The following KSR1 variants were observed in gnomAD, a reference collection of about 807,000 sequenced individuals.
KSR1 encodes kinase suppressor of ras.
Under a neutral mutation model 92.9 loss-of-function variants are expected in KSR1, and 35 were observed. The ratio of observed to expected loss-of-function variants is 0.38; its 90% confidence interval spans 0.29 to 0.50. The LOEUF (loss-of-function observed/expected upper bound fraction) is 0.50. KSR1 is among the 20% of genes least tolerant of loss of function. KSR1 has a pLI of 0.94. For synonymous variants in KSR1, 467 were observed against 472.6 expected, an observed-to-expected ratio of 0.99 and a Z score of 0.15; for missense variants, 972 against 1,158.5, an observed-to-expected ratio of 0.84 and a Z score of 2.34.
At chr17:27,472,932 G>A (rs868750631) in intron 1 of KSR1, among the ~76,000 whole-genome samples, 6 of 152,162 alleles carry the variant, frequency 3.9e-5, no homozygotes, top group South Asian at 2.1e-4. Context: ...GGTTTTTTGA[G>A]ACAGGGTCTC....
chr17:27,610,375 C>T (rs967452286), intron 17 of KSR1, among the ~76,000 whole-genome samples, 177 bp downstream of exon 17: 23 of 152,166 alleles, frequency 1.5e-4, no homozygotes, highest in African/African-American at 5.6e-4. Flanking sequence ...AGTCCTGGCT[C>T]TGCCGCTTGT....
At chr17:27,474,522 T>C (rs1266153347) in intron 1 of KSR1, among the ~76,000 whole-genome samples, 1 of 152,228 alleles carries the variant, frequency 6.6e-6, no homozygotes, top group East Asian at 1.9e-4. Context: ...TTGCTTACCC[T>C]TTCTGAGCAA....
In KSR1 at chr17:27,605,817, A is replaced by T; in HGVS notation, c.1994+4A>T. ...CCCACCTGGCCATTATCACCAGGTA[A>T]CCAAGCCCTAGGACCTCATGCTGGA... On this transcript the variant is annotated splice_donor_region_variant and intron_variant, in intron 14 of 20. Transcript: ENST00000644974. 6.2e-7 allele frequency: 1 copy of T among 1,612,250 alleles called. No homozygotes were observed.
chr17:27,592,685 G>T (rs906897689), intron 9 of KSR1, 59 bp downstream of exon 9: 77 of 1,418,892 alleles, frequency 5.4e-5, no homozygotes, highest in Non-Finnish European at 7.4e-5. Flanking sequence ...TTCCTATAAA[G>T]CACCCCTGCC....
intron 1 of KSR1, among the ~76,000 whole-genome samples, chr17:27,523,110 A>G (rs1567789776): frequency 6.6e-6 from 1 of 152,236 alleles, no homozygotes; most frequent in Non-Finnish European, 1.5e-5. Flanking sequence ...CCTATAGCCA[A>G]AAATTTTACT....
chr17:27,506,134 A>C (rs2069372763), intron 1 of KSR1, among the ~76,000 whole-genome samples: 1 of 152,184 alleles, frequency 6.6e-6, no homozygotes, highest in Non-Finnish European at 1.5e-5. Flanking sequence ...GTGGATATGT[A>C]TCTGATTCAC....
chr17:27,489,633 G>T (rs930356800), intron 1 of KSR1, among the ~76,000 whole-genome samples: 2 of 152,158 alleles, frequency 1.3e-5, no homozygotes, highest in African/African-American at 2.4e-5. Flanking sequence ...AGATTTGGGG[G>T]CAGTAGAGTG....
intron 6 of KSR1, among the ~76,000 whole-genome samples, chr17:27,589,470 C>T (rs1293783159): frequency 1.3e-5 from 2 of 152,160 alleles, no homozygotes; most frequent in Non-Finnish European, 2.9e-5. Context: ...GGAACATCAC[C>T]TGACCTCTCT....
At chr17:27,483,377 C>T (rs1461294024) in intron 1 of KSR1, among the ~76,000 whole-genome samples, 1 of 152,016 alleles carries the variant, frequency 6.6e-6, no homozygotes, top group Non-Finnish European at 1.5e-5. Flanking sequence ...CACCTGAGGT[C>T]GGGAGTTCGA....
chr17:27,506,525 A>AT (rs35027572), intron 1 of KSR1, among the ~76,000 whole-genome samples: 1 of 152,190 alleles, frequency 6.6e-6, no homozygotes, highest in Non-Finnish European at 1.5e-5. Flanking sequence ...GGGGTTGCAC[A>AT]TTTCGGTGAT....
rs561025217 is a variant in KSR1, at chr17:27,521,144, C to T, written c.232-29424C>T. 1.2e-4 allele frequency among the ~76,000 whole-genome samples: 18 copies of T among 152,246 alleles called. No individual in the cohort carries two copies. The South Asian group carries it at 1.9e-3, about 16-fold the overall frequency. On this transcript the variant is annotated intron_variant, in intron 1 of 20. Coordinates refer to ENST00000644974, the MANE Select transcript of KSR1 (RefSeq NM_001394583.1). ...TATCAGGAGCACAGCCCTGGGCCAG[C>T]TGACTTAGTACCTCTGGGGTGGGAA...
At chr17:27,618,710 T>G (rs765484625) in intron 19 of KSR1, among the ~76,000 whole-genome samples, 12 of 152,338 alleles carry the variant, frequency 7.9e-5, no homozygotes, top group Middle Eastern at 3.4e-3. Flanking sequence ...GAAATAGTCT[T>G]CTTTTGGTAT....
At chr17:27,511,465 T>A (rs373947356) in intron 1 of KSR1, among the ~76,000 whole-genome samples, 2 of 152,132 alleles carry the variant, frequency 1.3e-5, no homozygotes, top group Non-Finnish European at 2.9e-5. Flanking sequence ...GGGAGCATTG[T>A]TGGTCACTTG....
At chr17:27,597,555 G>A in intron 10 of KSR1, 119 bp downstream of exon 10, 1 of 1,109,502 alleles carries the variant, frequency 9.0e-7, no homozygotes, top group East Asian at 2.6e-5. Flanking sequence ...TGATGTTTAT[G>A]AAGTACTTGT....
chr17:27,579,516 A>G (rs985280179), intron 3 of KSR1: 2 of 152,118 alleles, frequency 1.3e-5, no homozygotes, highest in African/African-American at 4.8e-5. Context: ...TGTTCTTTTC[A>G]GTGTGAGGCC....
Position 27,624,857 on chromosome 17 carries a change from A to G in KSR1, c.*1465A>G, listed in dbSNP as rs2074305271. 6.6e-6 allele frequency: 1 copy of G among 152,272 alleles called. No homozygotes were observed. The highest frequency in any genetic ancestry group is 1.5e-5 in the Non-Finnish European group (1 of 68,100). 9.4% of individuals were successfully genotyped at this position (152,272 alleles called of 1,614,324 possible). On this transcript the variant is annotated 3_prime_UTR_variant, in exon 21 of 21. Transcript: ENST00000644974. ...AGTCTCCAGCCCCTTCCCTAGCACC[A>G]GAGTCTGGTCAAAATGCCACAGAAA...
chr17:27,537,945 A>C (rs369661894), intron 1 of KSR1, among the ~76,000 whole-genome samples: 1 of 152,246 alleles, frequency 6.6e-6, no homozygotes, highest in Non-Finnish European at 1.5e-5. Flanking sequence ...GGCTTGACAA[A>C]TATCTCCTAG....
intron 1 of KSR1, among the ~76,000 whole-genome samples, chr17:27,457,354 C>T (rs1190495082): frequency 2.0e-5 from 3 of 152,246 alleles, no homozygotes; most frequent in African/African-American, 7.2e-5. Flanking sequence ...CCTTTCCTCT[C>T]CTCTCAGGTC....
chr17:27,546,647 C>A (rs142905158), intron 1 of KSR1, among the ~76,000 whole-genome samples: 1 of 152,108 alleles, frequency 6.6e-6, no homozygotes, highest in East Asian at 1.9e-4. Context: ...GAGTGCGTGC[C>A]TGGTGGGCAG....
Sources: gnomAD v4.1 joint callset for allele counts (sites outside exome capture counted in the v4.1 genomes callset) on GRCh38, gnomAD v4.1.1 for gene constraint, MANE v1.5 for transcripts, NCBI Gene and HGNC (gene_info 2026-07-23, HGNC 2026-07-21) for gene names.